CILK1: variants seen among roughly 807,000 people sequenced by gnomAD.
The protein encoded by CILK1 is serine/threonine-protein kinase ICK.
In CILK1, 47 loss-of-function variants were observed where a neutral mutation model predicts 79.2. The observed-to-expected ratio is 0.59, with a 90% CI of 0.47 to 0.76. CILK1 has a LOEUF of 0.76. CILK1 is among the 30% of genes least tolerant of loss of function. The pLI is 0.00. For missense variants in CILK1, 660 were observed against 769.5 expected, an observed-to-expected ratio of 0.86 and a Z score of 1.68; for synonymous variants, 266 against 275.9, an observed-to-expected ratio of 0.96 and a Z score of 0.36.
intron 12 of CILK1, among the ~76,000 whole-genome samples, chr6:53,007,848 G>A (rs908337367): frequency 6.6e-6 from 1 of 151,932 alleles, no homozygotes; most frequent in African/African-American, 2.4e-5. Context: ...GCTGAGGCAG[G>A]AGAATTGCTT....
rs1036311099 is a variant in CILK1 at position 53,005,009 on chromosome 6, C to G, written c.*140G>C. On this transcript the variant is annotated 3_prime_UTR_variant, in exon 14 of 14. Transcript: ENST00000676107. ...AAAAAACTTTAAAAAAGAATATTGA[C>G]ATGTCTTAGTTCAGAAGAATAACTA... The G allele has an allele frequency of 2.2e-6, 2 of 911,168 alleles. No homozygotes were observed. The highest frequency in any genetic ancestry group is 3.3e-5 in the African/African-American group (2 of 60,428). 56.4% of individuals were successfully genotyped at this position (911,168 alleles called of 1,614,324 possible).
intron 1 of CILK1, among the ~76,000 whole-genome samples, chr6:53,042,705 T>C (rs1766796824): frequency 6.6e-6 from 1 of 152,204 alleles, no homozygotes; most frequent in South Asian, 2.1e-4. Context: ...TCCTACAAAG[T>C]GTCCAGATCA....
intron 1 of CILK1, among the ~76,000 whole-genome samples, chr6:53,056,664 C>T (rs750822638): frequency 2.6e-5 from 4 of 152,174 alleles, no homozygotes; most frequent in African/African-American, 4.8e-5. Context: ...AGGTCAGAAA[C>T]GTTGCAATAT....
At chr6:53,026,879 T>C (rs555204250) in intron 5 of CILK1, among the ~76,000 whole-genome samples, 5 of 152,220 alleles carry the variant, frequency 3.3e-5, no homozygotes, top group African/African-American at 1.2e-4. Context: ...GCCAGCTGAA[T>C]AACAGAGGGA....
At chr6:53,043,751 TG>T (rs1362479551) in intron 1 of CILK1, among the ~76,000 whole-genome samples, 1 of 151,012 alleles carries the variant, frequency 6.6e-6, no homozygotes, top group East Asian at 1.9e-4. Flanking sequence ...TGGCAGGGGA[TG>T]GGGGTGTGGA....
chr6:53,044,772 A>G (rs1320955847), intron 1 of CILK1, among the ~76,000 whole-genome samples: 1 of 152,184 alleles, frequency 6.6e-6, no homozygotes, highest in Non-Finnish European at 1.5e-5. Flanking sequence ...CAATAGGGCT[A>G]GTGTCTTTTA....
chr6:53,010,169 C>G (rs984380935), intron 11 of CILK1, among the ~76,000 whole-genome samples: 4 of 152,238 alleles, frequency 2.6e-5, no homozygotes, highest in African/African-American at 9.6e-5. Flanking sequence ...GCCACTCATA[C>G]TGGATCACTC....
At chr6:53,038,477 C>T (rs1304176057) in intron 2 of CILK1, among the ~76,000 whole-genome samples, 1 of 152,160 alleles carries the variant, frequency 6.6e-6, no homozygotes, top group Non-Finnish European at 1.5e-5. Context: ...TACTTGCTAT[C>T]ATACTAGACA....
chr6:53,016,323 G>T (rs1764894762), intron 7 of CILK1, 73 bp from the exon 8 acceptor site: 2 of 1,499,026 alleles, frequency 1.3e-6, no homozygotes, highest in Admixed American at 3.3e-5. Context: ...TGGCATGTGT[G>T]CCCCAAATGG....
rs528251975 is a variant in CILK1 at position 53,040,042 on chromosome 6, T to C, written c.101+1094A>G. 2.6e-5 allele frequency among the ~76,000 whole-genome samples: 4 copies of C among 151,992 alleles called. No homozygotes were observed. In the South Asian group the frequency reaches 8.3e-4, roughly 32 times the overall value. The stretch of plus-strand genomic sequence containing the variant: ...AGGAAACACTGAAGAAGAAACAAAT[T>C]TGGGGTAAGAGAGAATATGCTAAAT... On this transcript the variant is annotated intron_variant, in intron 2 of 13. Coordinates refer to ENST00000676107, the MANE Select transcript of CILK1 (RefSeq NM_014920.5).
rs1763940238 is a variant in CILK1, at chr6:53,001,458, T to C, written c.*3691A>G. 1.3e-5 allele frequency: 2 copies of C among 152,492 alleles called. No individual in the cohort carries two copies. Among genetic ancestry groups the C allele is most frequent in the South Asian group, 4.1e-4 (2 of 4,832 alleles). 9.4% of individuals were successfully genotyped at this position (152,492 alleles called of 1,614,324 possible). On this transcript the variant is annotated 3_prime_UTR_variant, in exon 14 of 14. Coordinates refer to ENST00000676107, the MANE Select transcript of CILK1 (RefSeq NM_014920.5). ...GTTTTCTGAATTCTTCTCGTTATTA[T>C]GAATATGTGCTTTATAAATAAATAT...
chr6:53,036,060 G>C (rs1766311020), intron 3 of CILK1, among the ~76,000 whole-genome samples: 1 of 152,180 alleles, frequency 6.6e-6, no homozygotes, highest in Non-Finnish European at 1.5e-5. Context: ...TAGAGGAGCA[G>C]TTTCTTCAAC....
intron 1 of CILK1, among the ~76,000 whole-genome samples, chr6:53,050,275 G>A (rs1004876527): frequency 1.3e-5 from 2 of 151,666 alleles, no homozygotes; most frequent in Non-Finnish European, 2.9e-5. Context: ...ACCACATACT[G>A]GCAGCATAAT....
intron 3 of CILK1, among the ~76,000 whole-genome samples, chr6:53,033,959 G>A (rs532124626): frequency 4.6e-5 from 7 of 152,312 alleles, no homozygotes; most frequent in Non-Finnish European, 8.8e-5. Context: ...CAATTGTTTT[G>A]CTAGATCCTT....
Position 53,033,092 on chromosome 6 carries a change from T to C in CILK1, c.157-438A>G, listed in dbSNP as rs535932221. Among the ~76,000 whole-genome samples the C allele has an allele frequency of 2.6e-5, 4 of 152,306 alleles. No individual in the cohort carries two copies. The East Asian group carries it at 7.7e-4, about 29-fold the overall frequency. ...GTTTGCAGACACTCTGAATAGGAAA[T>C]TGTTCAAAACGACGAAGGGTTGATG... On this transcript the variant is annotated intron_variant, in intron 3 of 13. Transcript: ENST00000676107.
chr6:53,018,251 C>A, intron 7 of CILK1, 79 bp downstream of exon 7: 1 of 1,364,282 alleles, frequency 7.3e-7, no homozygotes. Flanking sequence ...TCAATCATGC[C>A]AGTGCTGAAC....
At position 53,037,949 on chromosome 6, in the gene CILK1, C is replaced by G; in HGVS notation, c.146G>C (p.Arg49Pro). The change falls in exon 3 of 14, where the codon CGG becomes CCG. Residue 49 changes from arginine (R) to proline (P), a missense_variant. Transcript: ENST00000676107. ...TATATTAATATATACCTTAACCTCC[C>G]GAAGGTTCATGCATTCCTCCCAGGA... is the stretch of plus-strand genomic sequence containing the variant. ...FYSWEECMNL[R>P]EVKSLKKLNH... is the part of the protein sequence containing the mutation. 3 of 1,584,542 alleles carry G rather than the reference C, an allele frequency of 1.9e-6. No homozygotes were observed. The East Asian group carries it at 6.7e-5, about 35-fold the overall frequency.
intron 3 of CILK1, among the ~76,000 whole-genome samples, chr6:53,036,191 T>C (rs887551028): frequency 1.3e-5 from 2 of 152,202 alleles, no homozygotes; most frequent in African/African-American, 4.8e-5. Flanking sequence ...TCTGGAAAAA[T>C]AAAGGTTTAA....
Position 53,041,237 on chromosome 6 carries a change from G to T in CILK1, c.-1C>A. Reference sequence around the variant, plus strand: ...GCCTGATTGTTGTGTATCTATTCATGGTGTGCCTGCTCAGGCCGGACACTC... The same window carrying T: ...GCCTGATTGTTGTGTATCTATTCATTGTGTGCCTGCTCAGGCCGGACACTC... On this transcript the variant is annotated 5_prime_UTR_variant, in exon 2 of 14. Transcript: ENST00000676107. 6.2e-7 allele frequency: 1 copy of T among 1,609,664 alleles called. No individual in the cohort carries two copies. Among genetic ancestry groups the T allele is most frequent in the South Asian group, 1.1e-5 (1 of 90,970 alleles).
Sources: allele counts gnomAD v4.1 joint callset (sites outside exome capture counted in the v4.1 genomes callset), GRCh38; gene constraint gnomAD v4.1.1; transcripts MANE v1.5; gene names NCBI Gene and HGNC (gene_info 2026-07-23, HGNC 2026-07-21).